The following CRY2 variants were observed in gnomAD, a reference collection of about 807,000 sequenced individuals.
CRY2 encodes the protein cryptochrome-2.
Under a neutral mutation model 69.5 loss-of-function variants are expected in CRY2, and 31 were observed. That is an observed-to-expected ratio of 0.45 (90% CI 0.34 to 0.60). CRY2 has a LOEUF of 0.60. CRY2 is among the 20% of genes least tolerant of loss of function. CRY2 has a pLI of 0.02. For synonymous variants in CRY2, 303 were observed against 312.2 expected, an observed-to-expected ratio of 0.97 and a Z score of 0.31; for missense variants, 606 against 797.8, an observed-to-expected ratio of 0.76 and a Z score of 2.90.
intron 11 of CRY2, among the ~76,000 whole-genome samples, chr11:45,878,427 A>C (rs1464582180): frequency 3.3e-5 from 5 of 152,202 alleles, no homozygotes; most frequent in Non-Finnish European, 1.5e-5. Flanking sequence ...AAAGTTTTCT[A>C]TTTCAGAAGA....
intron 1 of CRY2, among the ~76,000 whole-genome samples, chr11:45,854,004 T>A (rs1250683945): frequency 6.6e-6 from 1 of 152,210 alleles, no homozygotes; most frequent in African/African-American, 2.4e-5. Flanking sequence ...CATGCTAGAA[T>A]GTGGGTCGGT....
chr11:45,861,078 G>C (rs751658525), intron 4 of CRY2, 46 bp downstream of exon 4: 69 of 1,549,136 alleles, frequency 4.5e-5, no homozygotes, highest in Non-Finnish European at 5.6e-5. Flanking sequence ...GCCTGCTTTT[G>C]TGTAAAGAAA....
chr11:45,856,572 G>A (rs11038694), intron 2 of CRY2, among the ~76,000 whole-genome samples: 60,335 of 152,068 alleles, frequency 0.4, 14,502 homozygotes, highest in Middle Eastern at 0.52. Flanking sequence ...CGAGGCAGGC[G>A]GATCACGAGG....
At chr11:45,865,005 C>G (rs2086318830) in intron 5 of CRY2, among the ~76,000 whole-genome samples, 1 of 152,098 alleles carries the variant, frequency 6.6e-6, no homozygotes, top group African/African-American at 2.4e-5. Context: ...AGTGATCCTC[C>G]TGCCTCAGCC....
intron 3 of CRY2, 81 bp downstream of exon 3, chr11:45,858,954 G>A: frequency 1.3e-6 from 2 of 1,542,356 alleles, no homozygotes; most frequent in Non-Finnish European, 8.8e-7. Context: ...ACTCAGAGAG[G>A]TTCAGCATTA....
At chr11:45,879,151 C>A (rs1342036880) in intron 11 of CRY2, among the ~76,000 whole-genome samples, 1 of 151,766 alleles carries the variant, frequency 6.6e-6, no homozygotes. Context: ...ATCGCTTGAA[C>A]CTGGGAGGCA....
Position 45,883,032 on chromosome 11 carries a change from T to G in CRY2, c.*2121T>G. On this transcript the variant is annotated 3_prime_UTR_variant, in exon 12 of 12. Transcript: ENST00000616080. ...GTATGTCCAGTAGCCTGGAGCTCCA[T>G]GGTGGCTTCATGCCTCCCTTCTCCC... 3.7e-6 allele frequency: 1 copy of G among 270,446 alleles called. No homozygotes were observed. 16.8% of individuals were successfully genotyped at this position (270,446 alleles called of 1,614,324 possible).
chr11:45,870,147 AC>A lies in CRY2; in HGVS notation c.1290del (p.Cys431AlafsTer25). ...AGTGCTTTCTTCCAGCAGTTCTTCC[AC>A]TGCTACTGCCCTGTGGGCTTTGGCC... ...SCSAFFQQFF[H>X]CYCPVGFGRR... On this transcript the variant is annotated frameshift_variant, in exon 8 of 12. Coordinates refer to ENST00000616080, the MANE Select transcript of CRY2 (RefSeq NM_021117.5). LOFTEE classifies it high-confidence loss of function. The A allele has an allele frequency of 6.2e-7, 1 of 1,613,884 alleles. No homozygotes were observed. The highest frequency in any genetic ancestry group is 8.5e-7 in the Non-Finnish European group (1 of 1,179,930).
intron 1 of CRY2, among the ~76,000 whole-genome samples, chr11:45,851,054 A>G (rs2086196435): frequency 6.7e-6 from 1 of 148,596 alleles, no homozygotes; most frequent in African/African-American, 2.5e-5. Flanking sequence ...TCCAAGTGCT[A>G]CTTGGCTAAG....
At chr11:45,866,389 A>C (rs776681144) in intron 5 of CRY2, among the ~76,000 whole-genome samples, 7 of 152,226 alleles carry the variant, frequency 4.6e-5, no homozygotes, top group Non-Finnish European at 8.8e-5. Context: ...AGGGAGAGGC[A>C]GAGGAGGTGG....
intron 11 of CRY2, among the ~76,000 whole-genome samples, chr11:45,880,656 C>T (rs1227929701): frequency 6.6e-6 from 1 of 152,208 alleles, no homozygotes; most frequent in Admixed American, 6.5e-5. Context: ...TCCTCCTCTG[C>T]TGTCCGCAGC....
chr11:45,862,405 A>G (rs2086295168), intron 5 of CRY2, among the ~76,000 whole-genome samples: 1 of 141,922 alleles, frequency 7.0e-6, no homozygotes, highest in Non-Finnish European at 1.6e-5. Flanking sequence ...TCTTTCCAAT[A>G]GCCTGCAAGG....
intron 6 of CRY2, 146 bp from the exon 7 acceptor site, chr11:45,869,360 C>T (rs1217842278): frequency 2.5e-6 from 2 of 808,560 alleles, no homozygotes; most frequent in African/African-American, 3.5e-5. Flanking sequence ...CATGCTGTGC[C>T]ACTTCTAGGG....
Position 45,869,744 on chromosome 11 carries a change from A to G in CRY2, c.1121A>G (p.His374Arg). Residue 374 changes from histidine to arginine, a missense_variant, in exon 7 of 12, where the codon CAC (histidine) becomes CGC (arginine). Coordinates refer to ENST00000616080, the MANE Select transcript of CRY2 (RefSeq NM_021117.5). ...CTGAGGCAGGAGGGCTGGATCCACC[A>G]CCTGGCCCGGCATGCCGTGGCCTGC... ...TQLRQEGWIH[H>R]LARHAVACFL... The G allele has an allele frequency of 1.9e-6, 3 of 1,613,762 alleles. No homozygotes were observed. The highest frequency in any genetic ancestry group is 2.5e-6 in the Non-Finnish European group (3 of 1,179,898).
chr11:45,869,642 A>G lies in CRY2; in HGVS notation c.1019A>G (p.Asp340Gly). 1.2e-6 allele frequency: 2 copies of G among 1,614,232 alleles called. No individual in the cohort carries two copies. Among genetic ancestry groups the G allele is most frequent in the Admixed American group, 3.3e-5 (2 of 60,030 alleles). The change falls in exon 7 of 12, where the codon GAC (aspartate) becomes GGC (glycine). Residue 340 changes from aspartate (D) to glycine (G), a missense_variant. This residue lies in a region of CRY2 where 382 missense variants were observed against 508.9 expected (regional missense o/e 0.75). Coordinates refer to ENST00000616080, the MANE Select transcript of CRY2 (RefSeq NM_021117.5). The part of the protein sequence containing the change: ...GNPICIQIPW[D>G]RNPEALAKWA... ...CCCATCTGCATCCAGATCCCCTGGG[A>G]CCGCAATCCTGAGGCCCTGGCCAAG... is the stretch of plus-strand genomic sequence containing the variant.
chr11:45,848,073 G>A (rs2086166709), intron 1 of CRY2, among the ~76,000 whole-genome samples: 1 of 152,168 alleles, frequency 6.6e-6, no homozygotes, highest in Non-Finnish European at 1.5e-5. Flanking sequence ...TACTCAGGGA[G>A]GGGCGGAAGG....
intron 11 of CRY2, among the ~76,000 whole-genome samples, chr11:45,874,325 G>A (rs1451761629): frequency 2.6e-5 from 4 of 152,056 alleles, no homozygotes; most frequent in African/African-American, 9.7e-5. Context: ...TAGAAATGTG[G>A]GGGTCTATTA....
At chr11:45,872,797 G>C (rs1373743392) in intron 11 of CRY2, among the ~76,000 whole-genome samples, 1 of 152,182 alleles carries the variant, frequency 6.6e-6, no homozygotes, top group Non-Finnish European at 1.5e-5. Context: ...AGAAAGCTGA[G>C]ACCTGCGTGT....
intron 2 of CRY2, chr11:45,856,395 A>C (rs2086239313): frequency 1.0e-5 from 3 of 298,664 alleles, no homozygotes; most frequent in African/African-American, 6.5e-5. Context: ...TTCTTGGCTC[A>C]AGCCAGCCAG....
Sources: allele counts gnomAD v4.1 joint callset (sites outside exome capture counted in the v4.1 genomes callset), GRCh38; gene constraint gnomAD v4.1.1; regional missense constraint gnomAD v4.1.1; transcripts MANE v1.5; gene names NCBI Gene and HGNC (gene_info 2026-07-23, HGNC 2026-07-21).